FOXP2: variants seen among roughly 807,000 people sequenced by gnomAD.
FOXP2 encodes the protein forkhead box protein P2.
FOXP2 carries 12 observed loss-of-function variants against 115.8 expected under a neutral mutation model. The observed-to-expected ratio is 0.10, with a 90% CI of 0.07 to 0.17. The LOEUF (loss-of-function observed/expected upper bound fraction) is 0.17, where lower values mean the gene tolerates loss of function less well. Ranked by LOEUF, FOXP2 falls within the 10% of genes least tolerant of loss-of-function variation. FOXP2 has a pLI of 1.00. For missense variants in FOXP2, 629 were observed against 843.5 expected (o/e 0.75, Z 3.15); for synonymous variants, 328 against 297.7 (o/e 1.10, Z -1.05).
intron 2 of FOXP2, among the ~76,000 whole-genome samples, chr7:114,327,465 G>A (rs1329035223): frequency 6.6e-6 from 1 of 151,026 alleles, no homozygotes; most frequent in Non-Finnish European, 1.5e-5. Context: ...TACTATGTAG[G>A]TCATACTGCA....
intron 2 of FOXP2, among the ~76,000 whole-genome samples, chr7:114,337,885 A>G (rs1463412007): frequency 1.3e-5 from 2 of 151,244 alleles, no homozygotes; most frequent in African/African-American, 2.4e-5. Flanking sequence ...ACTCTTTCAT[A>G]ACCACTTTTA....
intron 10 of FOXP2, among the ~76,000 whole-genome samples, chr7:114,656,285 A>G (rs1476979650): frequency 6.6e-6 from 1 of 151,728 alleles, no homozygotes; most frequent in East Asian, 1.9e-4. Flanking sequence ...TTGCAATTCT[A>G]AAAGTGAATA....
intron 2 of FOXP2, among the ~76,000 whole-genome samples, chr7:114,487,522 G>A (rs543549916): frequency 6.6e-6 from 1 of 152,288 alleles, no homozygotes; most frequent in South Asian, 2.1e-4. Context: ...TCTGCTGCCA[G>A]CTTGAATTTC....
At chr7:114,683,680 A>G (rs1406102570) in intron 16 of FOXP2, among the ~76,000 whole-genome samples, 1 of 152,204 alleles carries the variant, frequency 6.6e-6, no homozygotes, top group Non-Finnish European at 1.5e-5. Context: ...GTGAATAGGC[A>G]GAACAGGGTA....
intron 6 of FOXP2, among the ~76,000 whole-genome samples, chr7:114,639,528 TA>T (rs1021761231): frequency 2.0e-5 from 2 of 101,102 alleles, no homozygotes; most frequent in South Asian, 3.3e-4. Context: ...TACATGATTT[TA>T]AAAAAAAAGC....
chr7:114,134,549 T>C (rs1044338488), intron 1 of FOXP2, among the ~76,000 whole-genome samples: 2 of 151,426 alleles, frequency 1.3e-5, no homozygotes, highest in African/African-American at 4.9e-5. Context: ...CCGTCTCTAC[T>C]AAAAATACAA....
At chr7:114,346,972 T>A (rs1410624813) in intron 2 of FOXP2, among the ~76,000 whole-genome samples, 3 of 151,912 alleles carry the variant, frequency 2.0e-5, no homozygotes, top group Admixed American at 6.6e-5. Flanking sequence ...AGATATGTAT[T>A]GAAATATCAG....
At chr7:114,216,115 G>C (rs1344743628) in intron 1 of FOXP2, among the ~76,000 whole-genome samples, 4 of 152,148 alleles carry the variant, frequency 2.6e-5, no homozygotes, top group African/African-American at 4.8e-5. Flanking sequence ...TCCATGTTCA[G>C]TATATTTTCT....
At chr7:114,678,002 T>A (rs1484880831) in intron 16 of FOXP2, among the ~76,000 whole-genome samples, 1 of 152,128 alleles carries the variant, frequency 6.6e-6, no homozygotes, top group African/African-American at 2.4e-5. Flanking sequence ...AGAGACCAAG[T>A]GAAGGAATGA....
intron 2 of FOXP2, among the ~76,000 whole-genome samples, chr7:114,518,041 C>A (rs1056967491): frequency 6.6e-6 from 1 of 151,994 alleles, no homozygotes; most frequent in South Asian, 2.1e-4. Flanking sequence ...GATCTTCCAC[C>A]TCCTTGGTTA....
chr7:114,628,022 A>G (rs1420528187), intron 3 of FOXP2, among the ~76,000 whole-genome samples: 3 of 152,060 alleles, frequency 2.0e-5, no homozygotes, highest in Admixed American at 2.0e-4. Context: ...CTAGTACTTT[A>G]TCATGTGTAT....
intron 2 of FOXP2, among the ~76,000 whole-genome samples, chr7:114,388,319 TA>T (rs576032047): frequency 2.3e-4 from 34 of 147,476 alleles, no homozygotes; most frequent in South Asian, 1.7e-3. Flanking sequence ...ATATTTCTGG[TA>T]AAAAAAAAAT....
chr7:114,642,580 A>G lies in FOXP2; in HGVS notation c.946A>G (p.Ile316Val), dbSNP rs563897082. 90 of 1,613,606 alleles carry G rather than the reference A, an allele frequency of 5.6e-5. 1 individual carries two copies. Among genetic ancestry groups the G allele is most frequent in the Middle Eastern group, 1.6e-4 (1 of 6,082 alleles). ...ATCACCACCAATAACTCATCATTCC[A>G]TAGTGAATGGACAGTCTTCAGTTCT... is the stretch of plus-strand genomic sequence containing the variant. ...KASPPITHHS[I>V]VNGQSSVLSA... is the part of the protein sequence containing the mutation. Residue 316 changes from isoleucine to valine, a missense_variant, in exon 7 of 17, where the codon ATA becomes GTA. Around this residue, in one of 9 missense-constraint regions of FOXP2, gnomAD observed 92 missense variants for 80.1 expected, o/e 1.15. Coordinates refer to ENST00000350908, the MANE Select transcript of FOXP2 (RefSeq NM_014491.4).
chr7:114,693,382 A>G lies in FOXP2; in HGVS notation c.*3456A>G, dbSNP rs748595304. ...ATCCTGGACTTTAATGTCCCTGGGC[A>G]GATTCAGTCGCAAAATCCAATATGA... On this transcript the variant is annotated 3_prime_UTR_variant, in exon 17 of 17. Transcript: ENST00000350908. The G allele has an allele frequency of 2.2e-6, 1 of 453,842 alleles. No homozygotes were observed. Among genetic ancestry groups the G allele is most frequent in the South Asian group, 1.6e-5 (1 of 64,452 alleles). The allele number at this position is 453,842 out of a possible 1,614,324, so 28.1% of individuals were successfully genotyped here.
chr7:114,663,550 G>C, intron 15 of FOXP2, 31 bp downstream of exon 15: 1 of 1,401,792 alleles, frequency 7.1e-7, no homozygotes, highest in East Asian at 2.3e-5. Flanking sequence ...TGTTGTATTT[G>C]AATGTTTAGG....
chr7:114,185,079 A>G (rs893824181), intron 1 of FOXP2, among the ~76,000 whole-genome samples: 1 of 152,190 alleles, frequency 6.6e-6, no homozygotes, highest in East Asian at 1.9e-4. Context: ...TTCAAGTCCT[A>G]TAATTTCCCC....
chr7:114,379,649 G>A (rs554670858), intron 2 of FOXP2, among the ~76,000 whole-genome samples: 1 of 152,262 alleles, frequency 6.6e-6, no homozygotes, highest in South Asian at 2.1e-4. Flanking sequence ...ACCATTTGTA[G>A]TTTTACAGTT....
At chr7:114,515,115 CATT>C (rs1246406161) in intron 2 of FOXP2, among the ~76,000 whole-genome samples, 1 of 149,040 alleles carries the variant, frequency 6.7e-6, no homozygotes, top group Non-Finnish European at 1.5e-5. Flanking sequence ...TCCAGTCTAT[CATT>C]GTTGGACATT....
At chr7:114,588,162 T>G (rs1016997846) in intron 3 of FOXP2, among the ~76,000 whole-genome samples, 1 of 151,470 alleles carries the variant, frequency 6.6e-6, no homozygotes, top group Non-Finnish European at 1.5e-5. Context: ...ACAAAAAAAT[T>G]AGCCAAGGAT....
Sources: gnomAD v4.1 joint callset for allele counts (sites outside exome capture counted in the v4.1 genomes callset) on GRCh38, gnomAD v4.1.1 for gene constraint, gnomAD v4.1.1 regional missense constraint, MANE v1.5 for transcripts, NCBI Gene and HGNC (gene_info 2026-07-23, HGNC 2026-07-21) for gene names.